RBFOX1: variants seen among roughly 807,000 people sequenced by gnomAD.
The protein encoded by RBFOX1 is RNA binding fox-1 homolog 1.
In RBFOX1, 8 loss-of-function variants were observed where a neutral mutation model predicts 57.7. The ratio of observed to expected loss-of-function variants is 0.14; its 90% CI spans 0.08 to 0.25. RBFOX1 has a LOEUF of 0.25. RBFOX1 is among the 10% of genes least tolerant of loss of function. The pLI is 1.00. For synonymous variants in RBFOX1, 326 were observed against 222.4 expected (o/e 1.47, Z -4.15); for missense variants, 611 against 548.5 (o/e 1.11, Z -1.14).
At chr16:7,384,932 G>T (rs1399539991) in intron 4 of RBFOX1, among the ~76,000 whole-genome samples, 3 of 152,214 alleles carry the variant, frequency 2.0e-5, no homozygotes, top group Admixed American at 1.3e-4. Context: ...ACAGAGAGTG[G>T]TGGGGAGCTC....
chr16:7,588,877 T>A (rs1400129091), intron 7 of RBFOX1, among the ~76,000 whole-genome samples: 1 of 152,158 alleles, frequency 6.6e-6, no homozygotes, highest in Non-Finnish European at 1.5e-5. Context: ...AACCCCAGTA[T>A]TTTCTCCTCC....
chr16:6,857,059 G>T (rs1430300156), intron 3 of RBFOX1, among the ~76,000 whole-genome samples: 1 of 152,118 alleles, frequency 6.6e-6, no homozygotes, highest in Non-Finnish European at 1.5e-5. Flanking sequence ...CCACATCATT[G>T]CTGGCTGGTT....
At chr16:5,738,867 T>A (rs987711813) in intron 3 of RBFOX1, among the ~76,000 whole-genome samples, 36 of 151,924 alleles carry the variant, frequency 2.4e-4, no homozygotes, top group African/African-American at 8.2e-4. Flanking sequence ...GCTAGAGGGG[T>A]TTCCTTAATG....
rs1369198368 is a variant in RBFOX1, at chr16:6,483,847, G to T, written c.-64+166790G>T. ...TAGAATAGGGGACTTGGCCGTGGAT[G>T]GAATCCGGGAAACCCAAACCGGAGA... On this transcript the variant is annotated intron_variant, in intron 2 of 15. Transcript: ENST00000550418. 7.5e-6 allele frequency: 9 copies of T among 1,204,564 alleles called. No homozygotes were observed. In the East Asian group the frequency reaches 2.2e-4, roughly 30 times the overall value. The allele number at this position is 1,204,564 out of a possible 1,614,324, so 74.6% of individuals were successfully genotyped here.
rs141083908 is a variant in RBFOX1 at position 6,143,071 on chromosome 16, T to C, written c.-127+123079T>C. 2.6e-3 allele frequency among the ~76,000 whole-genome samples: 394 copies of C among 152,330 alleles called. 1 individual carries two copies. Among genetic ancestry groups the C allele is most frequent in the African/African-American group, 9.0e-3 (376 of 41,570 alleles). On this transcript the variant is annotated intron_variant, in intron 1 of 15. Coordinates refer to ENST00000550418, the MANE Select transcript of RBFOX1 (RefSeq NM_018723.4). ...AGTGCATGAGTTCATGAAATAAATATTTGGGATAATGGAGCTGAAGTTAAA... is the reference window on the plus strand; with the variant it reads ...AGTGCATGAGTTCATGAAATAAATACTTGGGATAATGGAGCTGAAGTTAAA...
chr16:6,152,659 T>A (rs187501736), intron 1 of RBFOX1, among the ~76,000 whole-genome samples: 109 of 151,302 alleles, frequency 7.2e-4, no homozygotes, highest in African/African-American at 2.5e-3. Context: ...TGCTAAGCAA[T>A]GTATGCTATC....
At chr16:7,326,756 C>T (rs898373611) in intron 4 of RBFOX1, among the ~76,000 whole-genome samples, 4 of 152,000 alleles carry the variant, frequency 2.6e-5, no homozygotes, top group Non-Finnish European at 4.4e-5. Flanking sequence ...TCCCCCAGAT[C>T]CAAACCCAGC....
At chr16:5,898,783 C>T (rs2058230164) in intron 4 of RBFOX1, among the ~76,000 whole-genome samples, 1 of 151,680 alleles carries the variant, frequency 6.6e-6, no homozygotes, top group Admixed American at 6.6e-5. Context: ...CTACTGGTTG[C>T]ACACAGTGGC....
chr16:6,440,741 C>A (rs1177812248), intron 2 of RBFOX1, among the ~76,000 whole-genome samples: 1 of 144,132 alleles, frequency 6.9e-6, no homozygotes, highest in African/African-American at 2.6e-5. Context: ...GCAGAGGTTT[C>A]AATGAGCCGA....
chr16:6,988,912 C>CT (rs764879002), intron 3 of RBFOX1, among the ~76,000 whole-genome samples: 4 of 152,036 alleles, frequency 2.6e-5, no homozygotes, highest in Non-Finnish European at 5.9e-5. Flanking sequence ...GCTGGGATTA[C>CT]AGGCGCCCAC....
intron 1 of RBFOX1, among the ~76,000 whole-genome samples, chr16:5,428,617 A>G (rs1172590904): frequency 6.6e-6 from 1 of 152,010 alleles, no homozygotes; most frequent in African/African-American, 2.4e-5. Context: ...AGCCGGGGAG[A>G]TCTGGGAAGG....
chr16:7,059,257 T>C (rs538374718), intron 4 of RBFOX1, among the ~76,000 whole-genome samples: 3 of 152,294 alleles, frequency 2.0e-5, no homozygotes, highest in South Asian at 4.1e-4. Context: ...GCTCTTACGA[T>C]AGCACGGAAG....
chr16:5,697,404 T>C (rs960197520), intron 3 of RBFOX1, among the ~76,000 whole-genome samples: 2 of 150,984 alleles, frequency 1.3e-5, no homozygotes, highest in African/African-American at 2.4e-5. Context: ...TAATACATAG[T>C]GTTATATATA....
intron 3 of RBFOX1, among the ~76,000 whole-genome samples, chr16:6,785,811 G>T (rs532532730): frequency 2.8e-5 from 4 of 142,318 alleles, no homozygotes; most frequent in African/African-American, 1.1e-4. Context: ...AGCATGATGA[G>T]AACTTACTTT....
intron 2 of RBFOX1, among the ~76,000 whole-genome samples, chr16:6,596,401 T>C (rs748038876): frequency 1.3e-5 from 2 of 152,236 alleles, no homozygotes; most frequent in African/African-American, 2.4e-5. Context: ...TACTTCTTAC[T>C]GACTTTGACC....
intron 4 of RBFOX1, among the ~76,000 whole-genome samples, chr16:7,176,653 T>G (rs2081714290): frequency 6.6e-6 from 1 of 152,194 alleles, no homozygotes; most frequent in African/African-American, 2.4e-5. Context: ...ATATTTAATG[T>G]TTGCCCCTTT....
chr16:7,453,342 C>G (rs1048537505), intron 4 of RBFOX1, among the ~76,000 whole-genome samples: 1 of 151,868 alleles, frequency 6.6e-6, no homozygotes, highest in Non-Finnish European at 1.5e-5. Flanking sequence ...TGGAAGAGAT[C>G]ATTGTCCTCA....
At chr16:7,460,389 ATGTGTGTGTGTGTGTGTGTGTGTGTG>A (rs1235047786) in intron 4 of RBFOX1, among the ~76,000 whole-genome samples, 64 of 87,096 alleles carry the variant, frequency 7.3e-4, no homozygotes, top group African/African-American at 1.3e-3. Context: ...ATATATATAT[ATGTGTGTGTGTGTGTGTGTGTGTGTG>A]TGTATATACA....
intron 2 of RBFOX1, among the ~76,000 whole-genome samples, chr16:6,365,993 C>T (rs1047280284): frequency 6.9e-4 from 104 of 150,838 alleles, no homozygotes; most frequent in African/African-American, 2.5e-3. Context: ...TTTTTTTCCA[C>T]GATACATTTT....
Sources: gnomAD v4.1 joint callset for allele counts (sites outside exome capture counted in the v4.1 genomes callset) on GRCh38, gnomAD v4.1.1 for gene constraint, MANE v1.5 for transcripts, NCBI Gene and HGNC (gene_info 2026-07-23, HGNC 2026-07-21) for gene names.